PKP2: variants seen among roughly 807,000 people sequenced by gnomAD.
PKP2 encodes plakophilin-2.
A neutral mutation model predicts 83.4 loss-of-function variants in PKP2; 73 were observed. The ratio of observed to expected loss-of-function variants is 0.88; its 90% CI spans 0.72 to 1.06. The LOEUF (loss-of-function observed/expected upper bound fraction) is 1.06. Ranked by LOEUF, PKP2 falls within the 50% of genes least tolerant of loss-of-function variation. The pLI is 0.00. For missense variants in PKP2, 966 were observed against 1,065.4 expected (o/e 0.91, Z 1.30); for synonymous variants, 409 against 430.4 (o/e 0.95, Z 0.62).
At chr12:32,839,985 C>T (rs1447215024) in intron 6 of PKP2, among the ~76,000 whole-genome samples, 1 of 152,168 alleles carries the variant, frequency 6.6e-6, no homozygotes, top group Non-Finnish European at 1.5e-5. Flanking sequence ...TCTGATCTCA[C>T]CAGATGCCAT....
intron 6 of PKP2, among the ~76,000 whole-genome samples, chr12:32,828,110 C>A (rs1956459961): frequency 6.6e-6 from 1 of 152,172 alleles, no homozygotes; most frequent in South Asian, 2.1e-4. Context: ...GTGGCCAGTG[C>A]TTGATATCGG....
intron 10 of PKP2, among the ~76,000 whole-genome samples, chr12:32,800,140 T>C (rs1956166860): frequency 1.3e-5 from 2 of 152,154 alleles, no homozygotes; most frequent in African/African-American, 4.8e-5. Flanking sequence ...TCTGAATACG[T>C]GTTGTGTTTA....
chr12:32,845,482 G>T (rs1446358936), intron 5 of PKP2, among the ~76,000 whole-genome samples: 1 of 152,118 alleles, frequency 6.6e-6, no homozygotes, highest in African/African-American at 2.4e-5. Context: ...AACCCGGGAG[G>T]CGGAGCTTGC....
intron 6 of PKP2, among the ~76,000 whole-genome samples, chr12:32,826,625 A>T (rs1956444724): frequency 6.6e-6 from 1 of 152,114 alleles, no homozygotes; most frequent in Non-Finnish European, 1.5e-5. Flanking sequence ...AAACTCGGAC[A>T]GTTTGTTCAT....
Position 32,896,665 on chromosome 12 carries a change from C to G in PKP2, c.67G>C (p.Gly23Arg), listed in dbSNP as rs770498155. ...IRTVLGQQIL[G>R]QLDSSSLALP... is the part of the protein sequence containing the mutation. ...GCCAGGCTGGAGCTGTCCAGTTGTC[C>G]CAGGATCTGCTGGCCCAGGACGGTC... is the stretch of plus-strand genomic sequence containing the variant. The change falls in exon 1 of 13, where the codon GGA (glycine) becomes CGA (arginine). Residue 23 changes from glycine (G) to arginine (R), a missense_variant. Gly to Arg is a moderately radical substitution (Grantham distance 125). Transcript: ENST00000340811. The G allele has an allele frequency of 6.4e-7, 1 of 1,558,252 alleles. No homozygotes were observed. Among genetic ancestry groups the G allele is most frequent in the Non-Finnish European group, 8.6e-7 (1 of 1,161,150 alleles).
intron 5 of PKP2, among the ~76,000 whole-genome samples, chr12:32,842,860 A>C (rs1208899383): frequency 1.3e-5 from 2 of 151,496 alleles, no homozygotes; most frequent in African/African-American, 4.9e-5. Context: ...TTCTCAGTAG[A>C]GACGGGGTTT....
At chr12:32,808,343 G>T (rs1956244712) in intron 9 of PKP2, among the ~76,000 whole-genome samples, 1 of 152,174 alleles carries the variant, frequency 6.6e-6, no homozygotes, top group Non-Finnish European at 1.5e-5. Flanking sequence ...ATTGCACTGT[G>T]AAGTTCTCAT....
At chr12:32,830,619 A>G (rs1956490330) in intron 6 of PKP2, among the ~76,000 whole-genome samples, 2 of 151,888 alleles carry the variant, frequency 1.3e-5, no homozygotes, top group South Asian at 4.2e-4. Flanking sequence ...AAAATCCTTT[A>G]GCTCTGGCCA....
chr12:32,842,985 CT>C (rs556406976), intron 5 of PKP2, among the ~76,000 whole-genome samples: 146 of 140,768 alleles, frequency 1.0e-3, no homozygotes, highest in East Asian at 5.3e-3. Flanking sequence ...GCAATTCCTA[CT>C]TTTTTTTTTT....
chr12:32,889,285 G>C (rs1957057813), intron 1 of PKP2, among the ~76,000 whole-genome samples: 1 of 152,160 alleles, frequency 6.6e-6, no homozygotes, highest in Admixed American at 6.5e-5. Flanking sequence ...CGAAGAACTT[G>C]GAATGCTGTG....
In PKP2 at chr12:32,818,535, C is replaced by A. The variant is rs900965325; in HGVS notation, c.2013+2821G>T. On this transcript the variant is annotated intron_variant, in intron 9 of 12. Transcript: ENST00000340811. Reference sequence around the variant, plus strand: ...TAACTTTTACTATACAATGTTTAATCTTTTAATTTATATTATATTTAAAAG... The same window carrying A: ...TAACTTTTACTATACAATGTTTAATATTTTAATTTATATTATATTTAAAAG... 2.6e-5 allele frequency among the ~76,000 whole-genome samples: 4 copies of A among 152,258 alleles called. No individual in the cohort carries two copies. In the East Asian group the frequency reaches 7.7e-4, roughly 29 times the overall value.
chr12:32,867,923 CAT>C (rs1007482563), intron 4 of PKP2, among the ~76,000 whole-genome samples: 9 of 152,166 alleles, frequency 5.9e-5, no homozygotes, highest in African/African-American at 2.2e-4. Context: ...TATAAAATAA[CAT>C]ATTGATTCCA....
chr12:32,815,229 C>T (rs142265848), intron 9 of PKP2, among the ~76,000 whole-genome samples: 104 of 152,268 alleles, frequency 6.8e-4, no homozygotes, highest in African/African-American at 2.5e-3. Flanking sequence ...TGTTCCACAC[C>T]TCAGATTTAA....
intron 6 of PKP2, among the ~76,000 whole-genome samples, chr12:32,828,071 T>A (rs750673127): frequency 1.3e-4 from 20 of 152,216 alleles, no homozygotes; most frequent in Admixed American, 3.9e-4. Context: ...CCTCCACTGG[T>A]CCCAAATGGG....
chr12:32,815,642 A>G (rs973513798), intron 9 of PKP2, among the ~76,000 whole-genome samples: 1 of 152,248 alleles, frequency 6.6e-6, no homozygotes, highest in Admixed American at 6.5e-5. Context: ...TTAAAACATG[A>G]GAATTTCTTG....
intron 9 of PKP2, among the ~76,000 whole-genome samples, chr12:32,805,933 G>T (rs546755081): frequency 6.6e-6 from 1 of 152,114 alleles, no homozygotes; most frequent in Admixed American, 6.6e-5. Flanking sequence ...AAGCGATGTC[G>T]AATTTTATCA....
At chr12:32,858,085 ATATATATATAT>A (rs1268541089) in intron 4 of PKP2, among the ~76,000 whole-genome samples, 15 of 42,630 alleles carry the variant, frequency 3.5e-4, no homozygotes, top group Non-Finnish European at 3.2e-4. Flanking sequence ...AAAAAAAAAA[ATATATATATAT>A]ATATATATAT....
chr12:32,828,850 C>A (rs1354249696), intron 6 of PKP2, among the ~76,000 whole-genome samples: 2 of 152,172 alleles, frequency 1.3e-5, no homozygotes, highest in Non-Finnish European at 2.9e-5. Flanking sequence ...ATGAGAATGG[C>A]CGGGAACAAT....
chr12:32,882,114 G>T (rs529947969), intron 1 of PKP2, among the ~76,000 whole-genome samples: 1 of 152,258 alleles, frequency 6.6e-6, no homozygotes, highest in East Asian at 1.9e-4. Context: ...AAAGCCCACA[G>T]CCAGGCAGAA....
Sources: allele counts gnomAD v4.1 joint callset (sites outside exome capture counted in the v4.1 genomes callset), GRCh38; gene constraint gnomAD v4.1.1; transcripts MANE v1.5; gene names NCBI Gene and HGNC (gene_info 2026-07-23, HGNC 2026-07-21).